Variants in LRRC37A3 observed in about 807,000 individuals in gnomAD.
LRRC37A3 encodes the protein leucine rich repeat containing 37 member A3, also known as leucine-rich repeat-containing protein 37A3.
A neutral mutation model predicts 106.2 loss-of-function variants in LRRC37A3; 25 were observed. The ratio of observed to expected loss-of-function variants is 0.24; its 90% CI spans 0.17 to 0.33. The LOEUF is 0.33. LRRC37A3 is among the 10% of genes least tolerant of loss of function. The pLI is 1.00. For missense variants in LRRC37A3, 712 were observed against 1,644.9 expected (o/e 0.43, Z 9.81); for synonymous variants, 305 against 635.8 (o/e 0.48, Z 7.83).
chr17:64,909,514 G>A (rs892210172), intron 2 of LRRC37A3: 4 of 152,178 alleles, frequency 2.6e-5, no homozygotes, highest in Non-Finnish European at 5.9e-5. Context: ...AATCCCAAAT[G>A]CAACTCAAAT....
chr17:64,869,903 A>T (rs987462896), intron 8 of LRRC37A3, among the ~76,000 whole-genome samples: 1 of 111,180 alleles, frequency 9.0e-6, no homozygotes, highest in Non-Finnish European at 1.7e-5. Context: ...GTTAAAAAAA[A>T]ATAGGACCAA....
Position 64,855,879 on chromosome 17 carries a change from T to C in LRRC37A3, c.4820A>G (p.His1607Arg). The stretch of plus-strand genomic sequence containing the variant: ...TTCATCTTCTTGTAATGACCTTCGG[T>C]GACAACAGATCTGTTTTAGAAGAAA... ...ILLCLIEICC[H>R]RRSLQEDEEG... Residue 1607 changes from histidine (H) to arginine (R), a missense_variant, in exon 14 of 15, where the codon CAC (histidine) becomes CGC (arginine). Physicochemically the swap from His to Arg is conservative, Grantham distance 29 (BLOSUM62 0). Coordinates refer to ENST00000584306, the MANE Select transcript of LRRC37A3 (RefSeq NM_199340.5). The C allele has an allele frequency of 6.2e-7, 1 of 1,611,852 alleles. No homozygotes were observed. Among genetic ancestry groups the C allele is most frequent in the East Asian group, 2.2e-5 (1 of 44,880 alleles).
chr17:64,862,950 G>C lies in LRRC37A3; in HGVS notation c.3122C>G (p.Thr1041Arg). 6.3e-7 allele frequency: 1 copy of C among 1,598,990 alleles called. No individual in the cohort carries two copies. The highest frequency in any genetic ancestry group is 8.5e-7 in the Non-Finnish European group (1 of 1,179,794). ...FKNSIEAVCK[T>R]VKLHCNSACL... ...TGCACTGTTGCAATGCAGCTTGACT[G>C]TCTTGCAGACAGCCTCAATGCTGTT... is the stretch of plus-strand genomic sequence containing the variant. Residue 1041 changes from threonine (T) to arginine (R), a missense_variant, in exon 11 of 15, where the codon ACA becomes AGA. By Grantham distance (71) the Thr-to-Arg change is moderately conservative. Coordinates refer to ENST00000584306, the MANE Select transcript of LRRC37A3 (RefSeq NM_199340.5).
intron 8 of LRRC37A3, among the ~76,000 whole-genome samples, chr17:64,875,036 A>G (rs1457234777): frequency 4.6e-5 from 7 of 151,846 alleles, no homozygotes; most frequent in African/African-American, 1.7e-4. Flanking sequence ...TCCCTCCACT[A>G]TTGTCCTATG....
At chr17:64,861,042 TAC>T in intron 11 of LRRC37A3, 69 bp from the exon 12 acceptor site, 1 of 1,609,276 alleles carries the variant, frequency 6.2e-7, no homozygotes, top group East Asian at 2.2e-5. Context: ...TCCATAGCTG[TAC>T]ACTCCAGTCA....
intron 8 of LRRC37A3, 69 bp from the exon 9 acceptor site, chr17:64,869,235 T>A: frequency 6.3e-7 from 1 of 1,595,932 alleles, no homozygotes; most frequent in Non-Finnish European, 8.5e-7. Flanking sequence ...AAGTTTACAT[T>A]CATTTTTTGG....
chr17:64,858,652 C>G (rs1010002249), intron 13 of LRRC37A3, 127 bp downstream of exon 13: 1 of 754,196 alleles, frequency 1.3e-6, no homozygotes, highest in Non-Finnish European at 2.4e-6. Flanking sequence ...ACACCTCAGC[C>G]TTAAATGACT....
chr17:64,854,778 T>C (rs1165737442), intron 14 of LRRC37A3, 134 bp from the exon 15 acceptor site: 2 of 1,611,680 alleles, frequency 1.2e-6, no homozygotes, highest in East Asian at 2.2e-5. Flanking sequence ...GATCTTGTCC[T>C]CATTAGATGA....
intron 10 of LRRC37A3, 42 bp from the exon 11 acceptor site, chr17:64,863,060 GTTAC>G (rs1345120695): frequency 1.3e-6 from 2 of 1,596,506 alleles, no homozygotes; most frequent in Non-Finnish European, 1.7e-6. Flanking sequence ...CGGTAAAGCG[GTTAC>G]TTGAGTAGGT....
At chr17:64,855,992 G>A in intron 13 of LRRC37A3, 103 bp from the exon 14 acceptor site, 2 of 1,593,958 alleles carry the variant, frequency 1.3e-6, no homozygotes, top group Non-Finnish European at 1.7e-6. Flanking sequence ...TCTACCTGAT[G>A]AGGTAACTTT....
chr17:64,859,404 T>C lies in LRRC37A3; in HGVS notation c.4704+38A>G, dbSNP rs746118863. The C allele has an allele frequency of 3.8e-5, 42 of 1,106,790 alleles. 1 individual carries two copies. Among genetic ancestry groups the C allele is most frequent in the Non-Finnish European group, 5.2e-5 (39 of 749,632 alleles). 68.6% of individuals were successfully genotyped at this position (1,106,790 alleles called of 1,614,324 possible). On this transcript the variant is annotated intron_variant, in intron 12 of 14. Coordinates refer to ENST00000584306, the MANE Select transcript of LRRC37A3 (RefSeq NM_199340.5). ...CACTTTCCTGGGATATGCTAAATGA[T>C]GGGAAATCTGGGTCTCATGTTTCTG...
At chr17:64,912,551 C>G (rs1481806365) in intron 2 of LRRC37A3, among the ~76,000 whole-genome samples, 1 of 151,886 alleles carries the variant, frequency 6.6e-6, no homozygotes, top group Non-Finnish European at 1.5e-5. Flanking sequence ...AAAAAATATT[C>G]AGTTAATCCA....
intron 2 of LRRC37A3, among the ~76,000 whole-genome samples, chr17:64,904,295 C>A (rs1240467473): frequency 6.6e-6 from 1 of 152,386 alleles, no homozygotes; most frequent in Admixed American, 6.5e-5. Context: ...GGCAGGACAA[C>A]ACAGCAAGAC....
chr17:64,866,024 CTG>C (rs1973056726), intron 10 of LRRC37A3, among the ~76,000 whole-genome samples: 1 of 151,944 alleles, frequency 6.6e-6, no homozygotes, highest in Non-Finnish European at 1.5e-5. Flanking sequence ...CTCAAATGAG[CTG>C]GCCTACTTAC....
chr17:64,917,571 TG>T (rs1974734109), intron 2 of LRRC37A3, among the ~76,000 whole-genome samples: 1 of 151,976 alleles, frequency 6.6e-6, no homozygotes, highest in African/African-American at 2.4e-5. Context: ...TATAAAGGAC[TG>T]CTACTCAGCA....
Position 64,854,741 on chromosome 17 carries a change from C to T in LRRC37A3, c.4860-97G>A, listed in dbSNP as rs561639531. The T allele has an allele frequency of 2.0e-4, 320 of 1,611,896 alleles. 1 individual carries two copies. The highest frequency in any genetic ancestry group is 1.3e-3 in the Admixed American group (77 of 60,012). The stretch of plus-strand genomic sequence containing the variant: ...TTTTAGATGGGAACTGTGAGGGCCC[C>T]GTCATTTACCCAGGGTCCCTGTTGA... On this transcript the variant is annotated intron_variant, in intron 14 of 14. Transcript: ENST00000584306.
rs373423356 is a variant in LRRC37A3, at chr17:64,860,727, G to T, written c.3419C>A (p.Pro1140Gln). ...TCCTGTGGTTGGCAGTTTAATGAACGGTAGTAACAGTGATTTCACATCTAG... is the reference window on the plus strand; with the variant it reads ...TCCTGTGGTTGGCAGTTTAATGAACTGTAGTAACAGTGATTTCACATCTAG... Reference protein sequence around the residue: ...VNLDVKSLLLPFIKLPTTGNS... With the variant: ...VNLDVKSLLLQFIKLPTTGNS... The change falls in exon 12 of 15, where the codon CCG (proline) becomes CAG (glutamine). Residue 1140 changes from proline (P) to glutamine (Q), a missense_variant. By Grantham distance (76) the Pro-to-Gln change is moderately conservative. Transcript: ENST00000584306. The T allele has an allele frequency of 6.2e-7, 1 of 1,613,856 alleles. No homozygotes were observed. The highest frequency in any genetic ancestry group is 1.3e-5 in the African/African-American group (1 of 74,876).
At chr17:64,875,809 C>CCA (rs1973492174) in intron 8 of LRRC37A3, among the ~76,000 whole-genome samples, 2 of 150,428 alleles carry the variant, frequency 1.3e-5, no homozygotes, top group African/African-American at 4.9e-5. Context: ...AAAAAAAAAA[C>CCA]AAAAAGATAC....
intron 2 of LRRC37A3, among the ~76,000 whole-genome samples, chr17:64,905,091 A>G (rs1237326425): frequency 6.6e-6 from 1 of 152,198 alleles, no homozygotes; most frequent in Non-Finnish European, 1.5e-5. Context: ...ATTAATTAAT[A>G]AATCAATGTA....
Sources: allele counts gnomAD v4.1 joint callset (sites outside exome capture counted in the v4.1 genomes callset), GRCh38; gene constraint gnomAD v4.1.1; transcripts MANE v1.5; gene names NCBI Gene and HGNC (gene_info 2026-07-23, HGNC 2026-07-21).